The following PCDHA4 variants were observed in gnomAD, a reference collection of about 807,000 sequenced individuals.
The protein encoded by PCDHA4 is protocadherin alpha-4.
PCDHA4 carries 49 observed loss-of-function variants against 61.4 expected under a neutral mutation model. That is an observed-to-expected ratio of 0.80 (90% confidence interval 0.63 to 1.01). The LOEUF is 1.01. PCDHA4 is among the 50% of genes least tolerant of loss of function. The pLI is 0.00. For synonymous variants in PCDHA4, 590 were observed against 550.3 expected (o/e 1.07, Z -1.01); for missense variants, 1,254 against 1,235.8 (o/e 1.01, Z -0.22).
At chr5:140,870,473 C>G (rs1232580918) in intron 1 of PCDHA4, 1 of 1,614,124 alleles carries the variant, frequency 6.2e-7, no homozygotes, top group Non-Finnish European at 8.5e-7. Context: ...TTCGCACAGC[C>G]CGAGTACACC....
intron 1 of PCDHA4, among the ~76,000 whole-genome samples, chr5:140,924,207 T>C (rs2081717308): frequency 6.6e-6 from 1 of 152,198 alleles, no homozygotes. Flanking sequence ...AGAAATTTGG[T>C]GAAGAATAAG....
At chr5:140,935,310 C>T (rs569890065) in intron 1 of PCDHA4, among the ~76,000 whole-genome samples, 2 of 152,200 alleles carry the variant, frequency 1.3e-5, no homozygotes, top group Non-Finnish European at 2.9e-5. Flanking sequence ...TACTTAACTT[C>T]ATCAATCTTA....
At chr5:141,004,602 G>A (rs1345777080) in intron 3 of PCDHA4, among the ~76,000 whole-genome samples, 18 of 152,298 alleles carry the variant, frequency 1.2e-4, no homozygotes, top group African/African-American at 4.1e-4. Flanking sequence ...CAGTGCTTAG[G>A]CCTCATGCAG....
intron 1 of PCDHA4, among the ~76,000 whole-genome samples, chr5:140,953,932 C>G (rs1005245846): frequency 1.2e-4 from 19 of 152,060 alleles, no homozygotes; most frequent in Non-Finnish European, 5.9e-5. Flanking sequence ...CTGATGCTCT[C>G]CCTCCCATTG....
At chr5:140,876,309 TG>T (rs782243460) in intron 1 of PCDHA4, 8 of 1,613,946 alleles carry the variant, frequency 5.0e-6, no homozygotes, top group Non-Finnish European at 6.8e-6. Flanking sequence ...AAATTTCCTA[TG>T]GGATCAAAAT....
intron 1 of PCDHA4, among the ~76,000 whole-genome samples, chr5:140,913,656 T>A (rs2076420236): frequency 6.6e-6 from 1 of 152,152 alleles, no homozygotes; most frequent in African/African-American, 2.4e-5. Context: ...TTCTTTAAGA[T>A]GTATAGTTAG....
chr5:140,827,902 C>T (rs1433520084), intron 1 of PCDHA4: 1 of 769,834 alleles, frequency 1.3e-6, no homozygotes, highest in East Asian at 2.5e-5. Context: ...CCTTTTGGAG[C>T]CGCATGATGT....
chr5:140,810,665 C>A (rs1307676376), intron 1 of PCDHA4: 1 of 122,538 alleles, frequency 8.2e-6, no homozygotes, highest in Non-Finnish European at 1.7e-5. Context: ...TGTTGTTTTT[C>A]TTTTCTTTTT....
intron 1 of PCDHA4, chr5:140,824,274 A>G (rs2150133903): frequency 1.5e-4 from 169 of 1,155,556 alleles, no homozygotes; most frequent in Middle Eastern, 6.1e-4. Context: ...CATGTATTAT[A>G]TGCTTTTTAT....
chr5:140,815,532 T>TATATTA (rs1554126820), intron 1 of PCDHA4: 3 of 151,194 alleles, frequency 2.0e-5, no homozygotes, highest in Non-Finnish European at 4.4e-5. Flanking sequence ...ATATTGTGTA[T>TATATTA]ACATTATTTT....
intron 1 of PCDHA4, chr5:140,856,268 C>T: frequency 1.3e-6 from 2 of 1,598,206 alleles, no homozygotes; most frequent in Admixed American, 1.7e-5. Context: ...CGGGGACCTT[C>T]TGGAGGTAAA....
chr5:140,857,165 G>A (rs1554149609), intron 1 of PCDHA4: 2 of 1,598,302 alleles, frequency 1.3e-6, no homozygotes, highest in African/African-American at 2.7e-5. Flanking sequence ...CCTAATCAGC[G>A]TTTCTGACCA....
At chr5:140,947,907 C>T (rs2094191786) in intron 1 of PCDHA4, among the ~76,000 whole-genome samples, 1 of 151,546 alleles carries the variant, frequency 6.6e-6, no homozygotes, top group African/African-American at 2.4e-5. Context: ...TGAGAGCAGA[C>T]ATTCTTGCCT....
intron 1 of PCDHA4, among the ~76,000 whole-genome samples, chr5:140,921,713 A>T (rs1247257514): frequency 2.0e-5 from 3 of 152,174 alleles, no homozygotes; most frequent in Non-Finnish European, 4.4e-5. Flanking sequence ...CAGTAAACAC[A>T]CGAATTACTC....
chr5:140,971,692 C>T (rs2096492766), intron 1 of PCDHA4, among the ~76,000 whole-genome samples: 1 of 152,116 alleles, frequency 6.6e-6, no homozygotes, highest in South Asian at 2.1e-4. Context: ...TTTGTACTCA[C>T]TAACCACCCT....
At chr5:140,877,260 G>C (rs1329010026) in intron 1 of PCDHA4, 3 of 1,613,652 alleles carry the variant, frequency 1.9e-6, no homozygotes, top group Non-Finnish European at 2.5e-6. Flanking sequence ...AAGTGCGCGC[G>C]GTGGACGCTG....
intron 1 of PCDHA4, among the ~76,000 whole-genome samples, chr5:140,972,741 G>T (rs1453484254): frequency 6.9e-6 from 1 of 145,350 alleles, no homozygotes; most frequent in Non-Finnish European, 1.5e-5. Context: ...CCGGCTCACT[G>T]CAACCTCCGC....
rs2150385569 is a variant in PCDHA4 at position 140,846,184 on chromosome 5, G to T, written c.2385+36612G>T. 1.3e-5 allele frequency among the ~76,000 whole-genome samples: 2 copies of T among 149,364 alleles called. 1 individual carries two copies. Among genetic ancestry groups the T allele is most frequent in the Non-Finnish European group, 3.0e-5 (2 of 66,864 alleles). ...CCTGCAGAGGCCTGAGTAGGCGTTT[G>T]AGTTCTTTGTATGTATGAGATCTTT... On this transcript the variant is annotated intron_variant, in intron 1 of 3. Coordinates refer to ENST00000530339, the MANE Select transcript of PCDHA4 (RefSeq NM_018907.4).
At chr5:140,875,476 G>T in intron 1 of PCDHA4, 1 of 1,610,156 alleles carries the variant, frequency 6.2e-7, no homozygotes, top group South Asian at 1.1e-5. Flanking sequence ...TTCTGCAATG[G>T]TGATTATCGG....
Sources: gnomAD v4.1 joint callset for allele counts (sites outside exome capture counted in the v4.1 genomes callset) on GRCh38, gnomAD v4.1.1 for gene constraint, MANE v1.5 for transcripts, NCBI Gene and HGNC (gene_info 2026-07-23, HGNC 2026-07-21) for gene names.